The following NRXN3 variants were observed in gnomAD, a reference collection of about 807,000 sequenced individuals.
The protein encoded by NRXN3 is neurexin III.
In NRXN3, 32 loss-of-function variants were observed where a neutral mutation model predicts 137.6. The observed-to-expected ratio is 0.23, with a 90% confidence interval of 0.18 to 0.31. The LOEUF is 0.31. Ranked by LOEUF, NRXN3 falls within the 10% of genes least tolerant of loss-of-function variation. The pLI is 1.00. For synonymous variants in NRXN3, 798 were observed against 784.5 expected, an observed-to-expected ratio of 1.02 and a Z score of -0.29; for missense variants, 1,574 against 2,062.5, an observed-to-expected ratio of 0.76 and a Z score of 4.59.
intron 19 of NRXN3, among the ~76,000 whole-genome samples, chr14:79,754,244 A>G (rs533583354): frequency 1.6e-4 from 25 of 152,108 alleles, no homozygotes; most frequent in African/African-American, 5.5e-4. Flanking sequence ...CGGGAGGCTG[A>G]GGCATAAGAA....
At chr14:79,525,390 C>G (rs2097109190) in intron 16 of NRXN3, among the ~76,000 whole-genome samples, 2 of 152,256 alleles carry the variant, frequency 1.3e-5, no homozygotes, top group East Asian at 3.9e-4. Context: ...GCATGGAGGG[C>G]ACAAATCTCC....
intron 6 of NRXN3, among the ~76,000 whole-genome samples, chr14:78,706,427 GT>G (rs1321793725): frequency 1.3e-5 from 2 of 152,184 alleles, no homozygotes; most frequent in African/African-American, 2.4e-5. Context: ...GAATTGTGAA[GT>G]TGAGCATGCA....
intron 15 of NRXN3, among the ~76,000 whole-genome samples, chr14:79,069,842 G>A (rs2099685334): frequency 6.6e-6 from 1 of 152,122 alleles, no homozygotes; most frequent in South Asian, 2.1e-4. Context: ...ATAAGACAGT[G>A]ATTCTAGGAC....
At chr14:78,299,490 ATT>A (rs2076669928) in intron 4 of NRXN3, among the ~76,000 whole-genome samples, 2 of 150,972 alleles carry the variant, frequency 1.3e-5, no homozygotes, top group African/African-American at 4.9e-5. Flanking sequence ...CCCCTCCTAC[ATT>A]CTTTTTTCCC....
intron 4 of NRXN3, among the ~76,000 whole-genome samples, chr14:78,534,986 C>T (rs2096519469): frequency 6.6e-6 from 1 of 152,126 alleles, no homozygotes; most frequent in African/African-American, 2.4e-5. Context: ...GGAATACAAA[C>T]AAGGACAGAC....
chr14:79,136,045 C>T (rs1265148166), intron 15 of NRXN3, among the ~76,000 whole-genome samples: 2 of 152,194 alleles, frequency 1.3e-5, no homozygotes, highest in East Asian at 3.9e-4. Flanking sequence ...CACTCACCAA[C>T]TGCTGTCCAG....
At chr14:79,688,210 C>T (rs1036673988) in intron 17 of NRXN3, among the ~76,000 whole-genome samples, 1 of 152,064 alleles carries the variant, frequency 6.6e-6, no homozygotes, top group Non-Finnish European at 1.5e-5. Context: ...TTTAAATATG[C>T]TGTACTCCCT....
At chr14:78,379,243 A>ATC (rs1203847425) in intron 4 of NRXN3, among the ~76,000 whole-genome samples, 1 of 152,150 alleles carries the variant, frequency 6.6e-6, no homozygotes, top group Non-Finnish European at 1.5e-5. Flanking sequence ...AAAAGGAGAA[A>ATC]TCTCTTCCCT....
intron 19 of NRXN3, among the ~76,000 whole-genome samples, chr14:79,796,158 T>C (rs1205694121): frequency 6.6e-6 from 1 of 152,166 alleles, no homozygotes; most frequent in Non-Finnish European, 1.5e-5. Flanking sequence ...TTTATATGTA[T>C]GTAATCAACA....
intron 6 of NRXN3, among the ~76,000 whole-genome samples, chr14:78,698,593 T>C (rs2098250146): frequency 6.6e-6 from 1 of 151,982 alleles, no homozygotes; most frequent in Admixed American, 6.6e-5. Context: ...AGTAGCCCCT[T>C]AGCGTGCCTC....
intron 19 of NRXN3, among the ~76,000 whole-genome samples, chr14:79,788,196 A>G (rs1338282045): frequency 1.3e-5 from 2 of 152,144 alleles, no homozygotes; most frequent in African/African-American, 4.8e-5. Context: ...CTTATTCACT[A>G]CCACAAGAAC....
At chr14:78,360,770 G>T (rs2084999490) in intron 4 of NRXN3, among the ~76,000 whole-genome samples, 1 of 152,162 alleles carries the variant, frequency 6.6e-6, no homozygotes, top group African/African-American at 2.4e-5. Flanking sequence ...CAAAGCTAAA[G>T]TTAAGAAGAT....
chr14:79,630,784 T>G (rs1423295849), intron 16 of NRXN3, among the ~76,000 whole-genome samples: 1 of 152,208 alleles, frequency 6.6e-6, no homozygotes, highest in Admixed American at 6.5e-5. Context: ...CAAAGGAGCC[T>G]CCATCTCTCT....
At chr14:79,590,670 C>T (rs1369199693) in intron 16 of NRXN3, among the ~76,000 whole-genome samples, 1 of 152,064 alleles carries the variant, frequency 6.6e-6, no homozygotes, top group Non-Finnish European at 1.5e-5. Flanking sequence ...CCATGGAAAC[C>T]ATCCATCATG....
chr14:78,982,534 T>A (rs2099492019), intron 14 of NRXN3, among the ~76,000 whole-genome samples: 1 of 152,108 alleles, frequency 6.6e-6, no homozygotes, highest in Non-Finnish European at 1.5e-5. Flanking sequence ...GTGCCACAAG[T>A]ATGCAATGGA....
At chr14:78,564,141 G>A (rs1485993430) in intron 4 of NRXN3, among the ~76,000 whole-genome samples, 1 of 152,138 alleles carries the variant, frequency 6.6e-6, no homozygotes, top group Non-Finnish European at 1.5e-5. Context: ...AAATCCTAGT[G>A]AATAGCAATT....
intron 4 of NRXN3, among the ~76,000 whole-genome samples, chr14:78,631,982 C>G (rs1025358515): frequency 1.3e-5 from 2 of 151,452 alleles, no homozygotes; most frequent in African/African-American, 4.8e-5. Context: ...GGCGTGGTGG[C>G]GGCTGCCTGT....
At chr14:79,767,011 T>C (rs933673627) in intron 19 of NRXN3, among the ~76,000 whole-genome samples, 1 of 152,216 alleles carries the variant, frequency 6.6e-6, no homozygotes, top group African/African-American at 2.4e-5. Flanking sequence ...TGACACTACT[T>C]GCTCACTTGT....
chr14:79,327,931 A>G (rs1303873784), intron 15 of NRXN3, among the ~76,000 whole-genome samples: 1 of 152,148 alleles, frequency 6.6e-6, no homozygotes, highest in Non-Finnish European at 1.5e-5. Context: ...ACAGTGGCAC[A>G]GTTTGGTTTT....
Sources: allele counts gnomAD v4.1 joint callset (sites outside exome capture counted in the v4.1 genomes callset), GRCh38; gene constraint gnomAD v4.1.1; transcripts MANE v1.5; gene names NCBI Gene and HGNC (gene_info 2026-07-23, HGNC 2026-07-21).